The following ANO5 variants were observed in gnomAD, a reference collection of about 807,000 sequenced individuals.
ANO5 encodes anoctamin 5.
A neutral mutation model predicts 121.0 loss-of-function variants in ANO5; 109 were observed. The ratio of observed to expected loss-of-function variants is 0.90; its 90% confidence interval spans 0.77 to 1.06. ANO5 has a LOEUF of 1.06. Among genes scored for constraint, ANO5 ranks in the 50% least tolerant of loss-of-function variants. The pLI is 0.00. For missense variants in ANO5, 1,064 were observed against 1,078.5 expected (o/e 0.99, Z 0.19); for synonymous variants, 406 against 359.9 (o/e 1.13, Z -1.45).
At chr11:22,227,066 GTCTC>G (rs769626151) in intron 6 of ANO5, among the ~76,000 whole-genome samples, 1 of 152,014 alleles carries the variant, frequency 6.6e-6, no homozygotes, top group Non-Finnish European at 1.5e-5. Flanking sequence ...GTCTTTGTAT[GTCTC>G]TCTTTCTGTC....
intron 9 of ANO5, 98 bp downstream of exon 9, chr11:22,239,782 A>T: frequency 1.1e-6 from 1 of 872,374 alleles, no homozygotes; most frequent in Non-Finnish European, 1.9e-6. Flanking sequence ...TTCTCCCACT[A>T]CATTTCACAA....
intron 4 of ANO5, among the ~76,000 whole-genome samples, chr11:22,218,895 A>G (rs370428759): frequency 1.3e-5 from 2 of 152,070 alleles, no homozygotes; most frequent in Admixed American, 6.6e-5. Context: ...CAGAATAAGT[A>G]CATCCTTTAC....
chr11:22,241,753 T>C (rs997679923), intron 9 of ANO5, among the ~76,000 whole-genome samples: 6 of 152,102 alleles, frequency 3.9e-5, no homozygotes, highest in African/African-American at 1.4e-4. Context: ...ATACTGCTTG[T>C]TGACTTGTTT....
In ANO5 at chr11:22,272,898, A is replaced by G. The variant is rs886043450; in HGVS notation, c.2144A>G (p.Gln715Arg). ...GTGGATGCCTGGAAACTTACCACTC[A>G]ATACAGGAGAACTGTAGCTTCTAAA... The part of the protein sequence containing the change: ...IRVDAWKLTT[Q>R]YRRTVASKAH... Residue 715 changes from glutamine (Q) to arginine (R), a missense_variant, in exon 19 of 22, where the codon CAA (glutamine) becomes CGA (arginine). Physicochemically the swap from Gln to Arg is conservative, Grantham distance 43 (BLOSUM62 1). Transcript: ENST00000324559. 5.0e-6 allele frequency: 8 copies of G among 1,614,128 alleles called. No individual in the cohort carries two copies. The highest frequency in any genetic ancestry group is 2.2e-5 in the South Asian group (2 of 91,082).
At chr11:22,250,216 T>C in intron 9 of ANO5, 21 bp from the exon 10 acceptor site, 1 of 1,555,070 alleles carries the variant, frequency 6.4e-7, no homozygotes, top group Non-Finnish European at 8.8e-7. Context: ...ATTCTGATTC[T>C]GTTTTTACTC....
intron 9 of ANO5, among the ~76,000 whole-genome samples, chr11:22,249,850 G>A (rs554435988): frequency 4.6e-5 from 7 of 152,198 alleles, no homozygotes; most frequent in Admixed American, 3.9e-4. Context: ...GTTTTGATTT[G>A]TTAAGTTCAT....
chr11:22,248,843 T>C (rs1853704987), intron 9 of ANO5, among the ~76,000 whole-genome samples: 1 of 152,032 alleles, frequency 6.6e-6, no homozygotes, highest in Non-Finnish European at 1.5e-5. Context: ...GTTGATATTA[T>C]ATTTCTAATA....
intron 1 of ANO5, 128 bp from the exon 2 acceptor site, chr11:22,203,676 T>C: frequency 1.6e-6 from 1 of 608,462 alleles, no homozygotes; most frequent in Non-Finnish European, 2.9e-6. Context: ...TCTTGTATCT[T>C]TTCTTCTAGT....
At chr11:22,258,355 T>G (rs2133733492) in intron 14 of ANO5, among the ~76,000 whole-genome samples, 1 of 152,318 alleles carries the variant, frequency 6.6e-6, no homozygotes, top group East Asian at 1.9e-4. Flanking sequence ...TTTCTTAGAT[T>G]ACATAATAAT....
intron 9 of ANO5, among the ~76,000 whole-genome samples, chr11:22,245,829 G>A (rs1447245893): frequency 6.6e-6 from 1 of 152,094 alleles, no homozygotes; most frequent in African/African-American, 2.4e-5. Context: ...TTTGACTGTG[G>A]CTCATCACAT....
intron 17 of ANO5, among the ~76,000 whole-genome samples, chr11:22,266,175 G>T (rs1307843800): frequency 1.3e-5 from 2 of 152,068 alleles, no homozygotes; most frequent in East Asian, 1.9e-4. Flanking sequence ...TAAGATAATG[G>T]TTATGGATGT....
intron 1 of ANO5, among the ~76,000 whole-genome samples, chr11:22,202,419 A>C (rs1310828975): frequency 6.6e-6 from 1 of 151,952 alleles, no homozygotes; most frequent in African/African-American, 2.4e-5. Flanking sequence ...GGACTGTCAT[A>C]CTTGGGTTGT....
chr11:22,193,051 G>C, upstream of ANO5: 1 of 1,023,546 alleles, frequency 9.8e-7, no homozygotes, highest in Non-Finnish European at 1.2e-6. Flanking sequence ...GGGACGCAGC[G>C]AAGGGGAAAG....
At position 22,274,751 on chromosome 11, in the gene ANO5, ATTTG is replaced by A. The variant is rs745502810; in HGVS notation, c.2414+20_2414+23del. ...AACGAGACTTCATCACTTGCAGGTG[ATTTG>A]TTTGTTTGTTTGTTTAGGTTTTAGT... On this transcript the variant is annotated splice_donor_5th_base_variant and intron_variant, in intron 20 of 21. Coordinates refer to ENST00000324559, the MANE Select transcript of ANO5 (RefSeq NM_213599.3). The A allele has an allele frequency of 4.2e-5, 68 of 1,612,460 alleles. No individual in the cohort carries two copies. The highest frequency in any genetic ancestry group is 1.6e-4 in the East Asian group (7 of 44,856).
At chr11:22,214,525 T>C (rs1299910608) in intron 3 of ANO5, among the ~76,000 whole-genome samples, 3 of 151,956 alleles carry the variant, frequency 2.0e-5, no homozygotes, top group Non-Finnish European at 4.4e-5. Context: ...ATAGGTGTAG[T>C]AATCTTGAAT....
At chr11:22,250,166 G>T in intron 9 of ANO5, 71 bp from the exon 10 acceptor site, 1 of 1,415,236 alleles carries the variant, frequency 7.1e-7, no homozygotes. Context: ...ATGCCTGTCT[G>T]AATACAAAAT....
intron 2 of ANO5, among the ~76,000 whole-genome samples, chr11:22,206,124 C>T (rs1269337655): frequency 6.6e-6 from 1 of 151,860 alleles, no homozygotes; most frequent in East Asian, 1.9e-4. Context: ...CGGATCCCTA[C>T]GTAACTTTGA....
rs1266927151 is a variant in ANO5, at chr11:22,276,152, T to C, written c.2473T>C (p.Phe825Leu). ...GAATAAATATTTTCATAATATGCAATTCTGGCATGTCCTTGCTGCCAAGAT... is the reference window on the plus strand; with the variant it reads ...GAATAAATATTTTCATAATATGCAACTCTGGCATGTCCTTGCTGCCAAGAT... ...DENKYFHNMQ[F>L]WHVLAAKMTF... is the part of the protein sequence containing the mutation. The change falls in exon 21 of 22, where the codon TTC (phenylalanine) becomes CTC (leucine). Residue 825 changes from phenylalanine to leucine, a missense_variant. Physicochemically the swap from Phe to Leu is conservative, Grantham distance 22 (BLOSUM62 0). Coordinates refer to ENST00000324559, the MANE Select transcript of ANO5 (RefSeq NM_213599.3). The C allele has an allele frequency of 6.2e-7, 1 of 1,611,778 alleles. No homozygotes were observed. Among genetic ancestry groups the C allele is most frequent in the African/African-American group, 1.3e-5 (1 of 74,946 alleles).
rs907753623 is a variant in ANO5 at position 22,282,460 on chromosome 11, C to A, written c.*2695C>A. 1 of 151,934 alleles carries A rather than the reference C, an allele frequency of 6.6e-6. No individual in the cohort carries two copies. The highest frequency in any genetic ancestry group is 1.5e-5 in the Non-Finnish European group (1 of 67,994). 9.4% of individuals were successfully genotyped at this position (151,934 alleles called of 1,614,324 possible). ...CTTTAACATTCTTCTTTTAACCAAGCCATTATGCAAAGTTATCAAAGAAGA... is the reference window on the plus strand; with the variant it reads ...CTTTAACATTCTTCTTTTAACCAAGACATTATGCAAAGTTATCAAAGAAGA... On this transcript the variant is annotated 3_prime_UTR_variant, in exon 22 of 22. Coordinates refer to ENST00000324559, the MANE Select transcript of ANO5 (RefSeq NM_213599.3).
Sources: allele counts gnomAD v4.1 joint callset (sites outside exome capture counted in the v4.1 genomes callset), GRCh38; gene constraint gnomAD v4.1.1; transcripts MANE v1.5; gene names NCBI Gene and HGNC (gene_info 2026-07-23, HGNC 2026-07-21).